Variants in PRG2 observed in about 807,000 individuals in gnomAD.
PRG2 encodes proteoglycan 2, pro eosinophil major basic protein, also known as bone marrow proteoglycan.
A neutral mutation model predicts 24.7 loss-of-function variants in PRG2; 23 were observed. The observed-to-expected ratio is 0.93, with a 90% confidence interval of 0.67 to 1.32. The LOEUF is 1.32. Among genes scored for constraint, PRG2 ranks in the 40% most tolerant of loss-of-function variants. PRG2 has a pLI of 0.00. For synonymous variants in PRG2, 104 were observed against 99.8 expected (o/e 1.04, Z -0.25); for missense variants, 271 against 280.9 (o/e 0.96, Z 0.25).
Position 57,389,868 on chromosome 11 carries a change from G to A in PRG2, c.58+19C>T. The A allele has an allele frequency of 1.9e-6, 3 of 1,593,496 alleles. No individual in the cohort carries two copies. Among genetic ancestry groups the A allele is most frequent in the South Asian group, 2.2e-5 (2 of 89,994 alleles). On this transcript the variant is annotated intron_variant, in intron 2 of 5. Coordinates refer to ENST00000311862, the MANE Select transcript of PRG2 (RefSeq NM_002728.6). ...GGGAAAAAACAGAGAAAGAAAGACT[G>A]AAGGCAAAAAACACTTACTTAGATG...
chr11:57,388,386 A>G (rs929988046), intron 4 of PRG2, among the ~76,000 whole-genome samples, 191 bp downstream of exon 4: 1 of 152,078 alleles, frequency 6.6e-6, no homozygotes, highest in Non-Finnish European at 1.5e-5. Flanking sequence ...ACTTGGACCC[A>G]AACCTCCTGA....
At position 57,389,225 on chromosome 11, in the gene PRG2, A is replaced by T. The variant is rs1160940038; in HGVS notation, c.151T>A (p.Cys51Ser). The T allele has an allele frequency of 6.2e-7, 1 of 1,614,040 alleles. No homozygotes were observed. Among genetic ancestry groups the T allele is most frequent in the Non-Finnish European group, 8.5e-7 (1 of 1,180,042 alleles). The part of the protein sequence containing the change: ...TPEQEMEETP[C>S]RELEEEEEWG... ...TCCTCCTCTTCCTCCAGCTCCCTGC[A>T]AGGGGTCTCCTCCATCTCCTGCTCT... is the stretch of plus-strand genomic sequence containing the variant. Residue 51 changes from cysteine to serine, a missense_variant, in exon 3 of 6, where the codon TGC becomes AGC. By Grantham distance (112) the Cys-to-Ser change is moderately radical. Coordinates refer to ENST00000311862, the MANE Select transcript of PRG2 (RefSeq NM_002728.6).
intron 3 of PRG2, 31 bp downstream of exon 3, chr11:57,388,979 C>T: frequency 6.2e-7 from 1 of 1,601,100 alleles, no homozygotes; most frequent in Non-Finnish European, 8.5e-7. Flanking sequence ...GTTCCATGCT[C>T]CCACCTCAGC....
intron 1 of PRG2, 60 bp downstream of exon 1, chr11:57,390,536 C>T: frequency 1.0e-6 from 1 of 970,066 alleles, no homozygotes; most frequent in African/African-American, 1.8e-5. Flanking sequence ...CAGCCACAGC[C>T]AGGGACCTCC....
intron 4 of PRG2, among the ~76,000 whole-genome samples, chr11:57,388,244 G>A (rs1262076454): frequency 2.0e-5 from 3 of 151,660 alleles, no homozygotes; most frequent in Non-Finnish European, 4.4e-5. Flanking sequence ...GCTCCATCTC[G>A]GCTCACCGCA....
intron 3 of PRG2, 76 bp downstream of exon 3, chr11:57,388,934 C>T (rs1857102209): frequency 2.0e-6 from 3 of 1,532,142 alleles, no homozygotes; most frequent in Non-Finnish European, 2.6e-6. Flanking sequence ...GAAAAAGAGC[C>T]AGTGATAGCA....
rs77900153 is a variant in PRG2, at chr11:57,389,208, T to C, written c.168A>G (p.Glu56=). 5,412 of 1,614,172 alleles carry C rather than the reference T, an allele frequency of 3.4e-3. 152 individuals carry two copies. The African/African-American group carries it at 0.066, about 20-fold the overall frequency. The change falls in exon 3 of 6, where the codon GAA becomes GAG. Residue 56 remains glutamate (E), a synonymous_variant. Transcript: ENST00000311862. ...MEETPCRELE[E]EEEWGSGSED... ...CACTTCCAGAGCCCCACTCCTCCTC[T>C]TCCTCCAGCTCCCTGCAAGGGGTCT...
At chr11:57,389,382 G>C (rs570800632) in intron 2 of PRG2, 65 bp from the exon 3 acceptor site, 3 of 1,517,212 alleles carry the variant, frequency 2.0e-6, no homozygotes, top group Non-Finnish European at 2.7e-6. Context: ...CAGAACCACA[G>C]ACAGCTCACA....
chr11:57,390,185 G>A (rs555058073), intron 1 of PRG2, among the ~76,000 whole-genome samples: 27 of 152,284 alleles, frequency 1.8e-4, no homozygotes, highest in Non-Finnish European at 1.8e-4. Flanking sequence ...GGGTGGCTGA[G>A]GCTGGCTTTC....
At chr11:57,390,494 AGGTAGAC>A in intron 1 of PRG2, 95 bp downstream of exon 1, 1 of 749,642 alleles carries the variant, frequency 1.3e-6, no homozygotes, top group Non-Finnish European at 1.6e-6. Flanking sequence ...TGAAAGCCAC[AGGTAGAC>A]GCCTGCCAGC....
rs879446451 is a variant in PRG2 at position 57,390,591 on chromosome 11, C to T, written c.-13+5G>A. Reference sequence around the variant, plus strand: ...CAGCTCCACCACAGCAGAGAAAGCACTCACCCACCCAGAGACCTTCCTGGG... The same window carrying T: ...CAGCTCCACCACAGCAGAGAAAGCATTCACCCACCCAGAGACCTTCCTGGG... On this transcript the variant is annotated splice_donor_5th_base_variant and intron_variant, in intron 1 of 5. Transcript: ENST00000311862. 6 of 985,488 alleles carry T rather than the reference C, an allele frequency of 6.1e-6. No homozygotes were observed. The highest frequency in any genetic ancestry group is 6.0e-6 in the Non-Finnish European group (5 of 830,010). 61.0% of individuals were successfully genotyped at this position (985,488 alleles called of 1,614,324 possible).
Position 57,387,362 on chromosome 11 carries a change from C to G in PRG2, c.*113G>C. 3.3e-6 allele frequency: 3 copies of G among 920,964 alleles called. No homozygotes were observed. The highest frequency in any genetic ancestry group is 1.6e-5 in the South Asian group (1 of 63,710). 57.0% of individuals were successfully genotyped at this position (920,964 alleles called of 1,614,324 possible). ...TCCGCGATCAGAGGAGAAAATAAATCCATTTCAGTAAAACCCATTTTATTG... is the reference window on the plus strand; with the variant it reads ...TCCGCGATCAGAGGAGAAAATAAATGCATTTCAGTAAAACCCATTTTATTG... On this transcript the variant is annotated 3_prime_UTR_variant, in exon 6 of 6. Coordinates refer to ENST00000311862, the MANE Select transcript of PRG2 (RefSeq NM_002728.6).
Position 57,387,845 on chromosome 11 carries a change from C to G in PRG2, c.519G>C (p.Gln173His). ...AGTTCCAGCGGCTGCCGTCAACCCA[C>G]TGAAAGCGTCTGCAGCGACCCTGGA... ...ITGSGRCRRFQWVDGSRWNFA... is the reference protein window; with the variant it reads ...ITGSGRCRRFHWVDGSRWNFA... The change falls in exon 5 of 6, where the codon CAG (glutamine) becomes CAC (histidine). Residue 173 changes from glutamine to histidine, a missense_variant. Gln to His is a conservative substitution (Grantham distance 24). Coordinates refer to ENST00000311862, the MANE Select transcript of PRG2 (RefSeq NM_002728.6). 6.4e-7 allele frequency: 1 copy of G among 1,573,564 alleles called. No homozygotes were observed. The highest frequency in any genetic ancestry group is 8.6e-7 in the Non-Finnish European group (1 of 1,159,180).
chr11:57,388,593 C>A lies in PRG2; in HGVS notation c.482G>T (p.Gly161Val). The change falls in exon 4 of 6, where the codon GGC becomes GTC. Residue 161 changes from glycine (G) to valine (V), a missense_variant. Coordinates refer to ENST00000311862, the MANE Select transcript of PRG2 (RefSeq NM_002728.6). ...ALNQGQVWIG[G>V]RITGSGRCRR... ...TTCTCTTACCGAGCCTGTGATCCTG[C>A]CTCCAATCCAGACTTGACCCTGGTT... The A allele has an allele frequency of 6.2e-7, 1 of 1,613,912 alleles. No homozygotes were observed. Among genetic ancestry groups the A allele is most frequent in the Non-Finnish European group, 8.5e-7 (1 of 1,179,844 alleles).
Position 57,387,118 on chromosome 11 carries a change from T to G in PRG2, c.*357A>C. 5.5e-6 allele frequency: 1 copy of G among 181,358 alleles called. No individual in the cohort carries two copies. Among genetic ancestry groups the G allele is most frequent in the East Asian group, 1.5e-4 (1 of 6,548 alleles). The allele number at this position is 181,358 out of a possible 1,614,324, so 11.2% of individuals were successfully genotyped here. The stretch of plus-strand genomic sequence containing the variant: ...GGCCATTGGGAGTCTACCTACAACC[T>G]TGAAAGGTCCTGGCAGCACTATGCA... On this transcript the variant is annotated 3_prime_UTR_variant, in exon 6 of 6. Transcript: ENST00000311862.
At position 57,389,012 on chromosome 11, in the gene PRG2, A is replaced by G; in HGVS notation, c.364T>C (p.Trp122Arg). 1 of 1,613,186 alleles carries G rather than the reference A, an allele frequency of 6.2e-7. No individual in the cohort carries two copies. Residue 122 changes from tryptophan (W) to arginine (R), a missense_variant and splice_region_variant, in exon 3 of 6, where the codon TGG (tryptophan) becomes CGG (arginine). Physicochemically the swap from Trp to Arg is moderately radical, Grantham distance 101 (BLOSUM62 -3). Coordinates refer to ENST00000311862, the MANE Select transcript of PRG2 (RefSeq NM_002728.6). ...VRSLQTFSQA[W>R]FTCRRCYRGN... ...AGCCTCAGCCATAGGCCACTCACCCAAGCTTGACTAAACGTCTGAAGACTT... is the reference window on the plus strand; with the variant it reads ...AGCCTCAGCCATAGGCCACTCACCCGAGCTTGACTAAACGTCTGAAGACTT...
Position 57,387,440 on chromosome 11 carries a change from G to A in PRG2, c.*35C>T, listed in dbSNP as rs1857065416. The A allele has an allele frequency of 3.2e-6, 5 of 1,584,420 alleles. No homozygotes were observed. In the East Asian group the frequency reaches 1.1e-4, roughly 35 times the overall value. On this transcript the variant is annotated 3_prime_UTR_variant, in exon 6 of 6. Transcript: ENST00000311862. ...CAGAGGAGGGGAGGCAGCTGCCCAG[G>A]AGAGGGCAGCTCTGAACTGCTGGCT...
chr11:57,388,972 C>A, intron 3 of PRG2, 38 bp downstream of exon 3: 1 of 1,595,692 alleles, frequency 6.3e-7, no homozygotes, highest in Non-Finnish European at 8.5e-7. Flanking sequence ...CACACCCGTT[C>A]CATGCTCCCA....
At chr11:57,388,510 C>A (rs1857091021) in intron 4 of PRG2, 67 bp downstream of exon 4, 1 of 1,592,100 alleles carries the variant, frequency 6.3e-7, no homozygotes, top group African/African-American at 1.3e-5. Context: ...ACAGACAAAT[C>A]TGATGCAAGC....
Sources: allele counts gnomAD v4.1 joint callset (sites outside exome capture counted in the v4.1 genomes callset), GRCh38; gene constraint gnomAD v4.1.1; transcripts MANE v1.5; gene names NCBI Gene and HGNC (gene_info 2026-07-23, HGNC 2026-07-21).